ATIC: variants seen among roughly 807,000 people sequenced by gnomAD.
The protein encoded by ATIC is 5-aminoimidazole-4-carboxamide ribonucleotide formyltransferase/IMP cyclohydrolase, also known as bifunctional purine biosynthesis protein ATIC.
In ATIC, 64 loss-of-function variants were observed where a neutral mutation model predicts 72.5. That is an observed-to-expected ratio of 0.88 (90% CI 0.72 to 1.09). ATIC has a LOEUF of 1.09. Among genes scored for constraint, ATIC ranks in the 50% least tolerant of loss-of-function variants. ATIC has a pLI of 0.00. For synonymous variants in ATIC, 281 were observed against 267.1 expected (o/e 1.05, Z -0.51); for missense variants, 787 against 732.4 (o/e 1.07, Z -0.86).
At chr2:215,331,753 G>A (rs1289022948) in intron 7 of ATIC, among the ~76,000 whole-genome samples, 1 of 152,084 alleles carries the variant, frequency 6.6e-6, no homozygotes, top group African/African-American at 2.4e-5. Context: ...TTATTCACAA[G>A]AGATACTAGC....
At chr2:215,359,126 C>T in the ATIC span, among the ~76,000 whole-genome samples, 1 of 152,130 alleles carries the variant, frequency 6.6e-6, no homozygotes, top group Non-Finnish European at 1.5e-5. Context: ...TCAAGCAACC[C>T]TCCCACCTCG....
the ATIC span, chr2:215,365,046 TA>T: frequency 2.7e-3 from 2,876 of 1,073,130 alleles, 25 homozygotes; most frequent in South Asian, 0.017. Context: ...AGACTTGATC[TA>T]GGGGTGGGTT....
At chr2:215,364,880 C>T in the ATIC span, 8 of 1,552,754 alleles carry the variant, frequency 5.2e-6, no homozygotes, top group South Asian at 3.6e-5. Flanking sequence ...CAGTCTTACC[C>T]GCTGGCCTCC....
chr2:215,322,812 C>CT (rs2052783540), intron 4 of ATIC, among the ~76,000 whole-genome samples: 1 of 152,180 alleles, frequency 6.6e-6, no homozygotes, highest in Non-Finnish European at 1.5e-5. Context: ...ATCGAATGGT[C>CT]TTGGCACCCT....
intron 4 of ATIC, among the ~76,000 whole-genome samples, chr2:215,325,005 G>A (rs1026638861): frequency 3.9e-5 from 6 of 152,116 alleles, no homozygotes; most frequent in Admixed American, 2.6e-4. Flanking sequence ...AGGGAGTACT[G>A]TGTATTCAGA....
the ATIC span, among the ~76,000 whole-genome samples, chr2:215,366,322 C>A: frequency 1.3e-5 from 2 of 151,926 alleles, no homozygotes; most frequent in South Asian, 2.1e-4. Context: ...GGAATAGATC[C>A]TAGATGAAAA....
At position 215,344,788 on chromosome 2, in the gene ATIC, T is replaced by C; in HGVS notation, c.1237T>C (p.Ser413Pro). The C allele has an allele frequency of 6.2e-7, 1 of 1,613,808 alleles. No individual in the cohort carries two copies. The highest frequency in any genetic ancestry group is 8.5e-7 in the Non-Finnish European group (1 of 1,179,918). Residue 413 changes from serine to proline, a missense_variant, in exon 13 of 16, where the codon TCT becomes CCT. Physicochemically the swap from Ser to Pro is moderately conservative, Grantham distance 74. Transcript: ENST00000236959. ...VVTKNKDLPE[S>P]ALRDLIVATI... ...TGTGTATGTGTTTCAGTTGCCAGAG[T>C]CTGCCCTCCGAGACCTCATCGTAGC...
chr2:215,321,183 G>A (rs572521982), intron 4 of ATIC, among the ~76,000 whole-genome samples: 8 of 152,234 alleles, frequency 5.3e-5, no homozygotes, highest in African/African-American at 1.9e-4. Context: ...CAATTGTTAC[G>A]TGTCTGATTT....
intron 4 of ATIC, among the ~76,000 whole-genome samples, chr2:215,321,573 G>A (rs1452421402): frequency 1.6e-4 from 25 of 152,168 alleles, no homozygotes; most frequent in Admixed American, 1.6e-3. Context: ...TCAGAGTGCT[G>A]CACCATTTTA....
chr2:215,348,390 G>A (rs925350976), intron 14 of ATIC, among the ~76,000 whole-genome samples: 1 of 152,110 alleles, frequency 6.6e-6, no homozygotes, highest in African/African-American at 2.4e-5. Flanking sequence ...CAAAGCAGTA[G>A]ATTTAAATTA....
chr2:215,342,303 T>C (rs1414812549), intron 12 of ATIC, among the ~76,000 whole-genome samples: 1 of 152,002 alleles, frequency 6.6e-6, no homozygotes, highest in Non-Finnish European at 1.5e-5. Flanking sequence ...ATAACATTAA[T>C]AATACCTTAG....
At chr2:215,340,591 G>A (rs1349335387) in intron 12 of ATIC, among the ~76,000 whole-genome samples, 1 of 152,142 alleles carries the variant, frequency 6.6e-6, no homozygotes, top group Non-Finnish European at 1.5e-5. Context: ...GAGTTGACTT[G>A]TCCTTCTTTT....
chr2:215,365,461 G>C, the ATIC span: 3 of 1,598,380 alleles, frequency 1.9e-6, no homozygotes, highest in Non-Finnish European at 2.6e-6. Flanking sequence ...TAATGAAAGT[G>C]AGAATGCTTA....
chr2:215,313,162 T>C (rs1019773042), intron 2 of ATIC, among the ~76,000 whole-genome samples: 7 of 152,226 alleles, frequency 4.6e-5, no homozygotes, highest in Admixed American at 4.6e-4. Flanking sequence ...AAAGTAGGAT[T>C]GGAACCCGTG....
chr2:215,326,195 G>A, intron 6 of ATIC, 57 bp downstream of exon 6: 5 of 1,604,752 alleles, frequency 3.1e-6, no homozygotes, highest in Middle Eastern at 1.7e-4. Flanking sequence ...GTGTTTGCCA[G>A]ACCAAGCAGT....
chr2:215,333,407 A>G lies in ATIC; in HGVS notation c.872A>G (p.Asp291Gly). The change falls in exon 9 of 16, where the codon GAT becomes GGT. Residue 291 changes from aspartate to glycine, a missense_variant. Physicochemically the swap from Asp to Gly is moderately conservative, Grantham distance 94. Transcript: ENST00000236959. ...GAGGCCAAAGTCTGCATGGTTTATG[A>G]TCTCTATAAAACCCTCACACCCATC... ...EDEAKVCMVY[D>G]LYKTLTPISA... 2 of 1,614,156 alleles carry G rather than the reference A, an allele frequency of 1.2e-6. No homozygotes were observed. The highest frequency in any genetic ancestry group is 1.7e-6 in the Non-Finnish European group (2 of 1,180,004).
At chr2:215,314,438 T>C (rs7608331) in intron 2 of ATIC, among the ~76,000 whole-genome samples, 152,256 of 152,276 alleles carry the variant, frequency 1, 76,118 homozygotes, top group Non-Finnish European at 1. Flanking sequence ...GGTGAGGAAA[T>C]TAAGCACAAC....
At chr2:215,336,262 A>G in intron 11 of ATIC, 138 bp downstream of exon 11, 1 of 704,868 alleles carries the variant, frequency 1.4e-6, no homozygotes, top group South Asian at 1.9e-5. Flanking sequence ...CCTGCATTTA[A>G]AAAAATACTA....
At chr2:215,365,043 A>G in the ATIC span, 1 of 1,109,494 alleles carries the variant, frequency 9.0e-7, no homozygotes, top group Non-Finnish European at 1.3e-6. Flanking sequence ...TGCAGACTTG[A>G]TCTAGGGGTG....
Sources: allele counts gnomAD v4.1 joint callset (sites outside exome capture counted in the v4.1 genomes callset), GRCh38; gene constraint gnomAD v4.1.1; transcripts MANE v1.5; gene names NCBI Gene and HGNC (gene_info 2026-07-23, HGNC 2026-07-21).